SUCLA2: variants seen among roughly 807,000 people sequenced by gnomAD.
SUCLA2 encodes succinate--CoA ligase [ADP-forming] subunit beta, mitochondrial.
SUCLA2 carries 30 observed loss-of-function variants against 54.8 expected under a neutral mutation model. The observed-to-expected ratio is 0.55, with a 90% confidence interval of 0.41 to 0.74. The LOEUF is 0.74. Ranked by LOEUF, SUCLA2 falls within the 30% of genes least tolerant of loss-of-function variation. The pLI is 0.00. For missense variants in SUCLA2, 476 were observed against 562.9 expected (o/e 0.85, Z 1.56); for synonymous variants, 172 against 188.9 (o/e 0.91, Z 0.74).
At chr13:47,987,936 A>C (rs545114968) in intron 4 of SUCLA2, 4 of 152,228 alleles carry the variant, frequency 2.6e-5, no homozygotes, top group African/African-American at 7.2e-5. Flanking sequence ...TCCAAACACC[A>C]GGTCTATAAA....
intron 5 of SUCLA2, 107 bp from the exon 6 acceptor site, chr13:47,968,840 A>G (rs1431880167): frequency 7.8e-7 from 1 of 1,275,628 alleles, no homozygotes; most frequent in Non-Finnish European, 1.1e-6. Context: ...AACATGAGTC[A>G]TTTATAGTCA....
intron 6 of SUCLA2, among the ~76,000 whole-genome samples, chr13:47,963,582 T>C (rs932552332): frequency 2.0e-5 from 3 of 151,818 alleles, no homozygotes; most frequent in African/African-American, 7.3e-5. Context: ...GAGGCGGAGG[T>C]TGCAGTGAGC....
rs1238681759 is a variant in SUCLA2 at position 47,949,094 on chromosome 13, C to T, written c.1229-66G>A. On this transcript the variant is annotated intron_variant, in intron 9 of 10. Transcript: ENST00000646932. The stretch of plus-strand genomic sequence containing the variant: ...ACACAAAAGCATTTTAAAATGTTTG[C>T]CAAAACATGGTATAAGAATAAAACC... 5 of 1,490,246 alleles carry T rather than the reference C, an allele frequency of 3.4e-6. No individual in the cohort carries two copies. In the East Asian group the frequency reaches 1.1e-4, roughly 34 times the overall value. 92.3% of individuals were successfully genotyped at this position (1,490,246 alleles called of 1,614,324 possible).
chr13:47,948,384 T>C (rs1350443425), intron 10 of SUCLA2, among the ~76,000 whole-genome samples: 1 of 145,706 alleles, frequency 6.9e-6, no homozygotes, highest in Non-Finnish European at 1.5e-5. Flanking sequence ...TGCGTGCATG[T>C]GTGTGTGCGC....
chr13:47,952,896 C>G (rs1027236741), intron 8 of SUCLA2, among the ~76,000 whole-genome samples: 3 of 152,098 alleles, frequency 2.0e-5, no homozygotes, highest in Non-Finnish European at 4.4e-5. Flanking sequence ...GATTCTATGT[C>G]TTTGTACATT....
intron 4 of SUCLA2, among the ~76,000 whole-genome samples, chr13:47,974,287 C>T (rs1392241209): frequency 6.6e-6 from 1 of 152,068 alleles, no homozygotes; most frequent in Admixed American, 6.6e-5. Context: ...TACTGCAAGA[C>T]AATAAAAAAG....
chr13:47,966,718 T>TAAA (rs35050490), intron 6 of SUCLA2, among the ~76,000 whole-genome samples: 3 of 145,708 alleles, frequency 2.1e-5, no homozygotes, highest in Non-Finnish European at 1.5e-5. Context: ...TTTCTTTAAA[T>TAAA]AAAAAAAAAA....
intron 4 of SUCLA2, chr13:47,987,648 T>G (rs1273946742): frequency 1.3e-5 from 2 of 152,088 alleles, no homozygotes; most frequent in East Asian, 3.8e-4. Flanking sequence ...ATTCAAACAT[T>G]AATAGATTTA....
At chr13:47,943,736 G>A (rs1178414923) in intron 10 of SUCLA2, among the ~76,000 whole-genome samples, 2 of 135,232 alleles carry the variant, frequency 1.5e-5, no homozygotes, top group Admixed American at 1.5e-4. Flanking sequence ...TAAAATGTGT[G>A]TGTATGTATG....
chr13:47,949,831 C>T (rs1949762280), intron 8 of SUCLA2, among the ~76,000 whole-genome samples: 2 of 152,174 alleles, frequency 1.3e-5, no homozygotes, highest in Non-Finnish European at 2.9e-5. Context: ...GTTCACATTT[C>T]CTTCTCTACT....
intron 2 of SUCLA2, among the ~76,000 whole-genome samples, chr13:47,995,262 A>AT (rs771342422): frequency 3.3e-4 from 51 of 152,306 alleles, no homozygotes; most frequent in Non-Finnish European, 6.6e-4. Context: ...AATTATATAT[A>AT]AATCAGGTCC....
chr13:48,000,979 G>C (rs79686432), intron 1 of SUCLA2: 1 of 1,427,032 alleles, frequency 7.0e-7, no homozygotes. Flanking sequence ...GCGGACTAAG[G>C]GCTGGGTCAG....
At chr13:47,956,519 CT>C (rs1373538812) in intron 6 of SUCLA2, among the ~76,000 whole-genome samples, 2 of 152,132 alleles carry the variant, frequency 1.3e-5, no homozygotes, top group African/African-American at 4.8e-5. Context: ...TGAAAATATA[CT>C]TCAAAAGAAG....
chr13:47,999,216 G>C (rs1221540965), intron 1 of SUCLA2, among the ~76,000 whole-genome samples: 1 of 151,970 alleles, frequency 6.6e-6, no homozygotes, highest in Non-Finnish European at 1.5e-5. Context: ...AGAACACTTT[G>C]GGGACAACTA....
At chr13:47,949,402 T>G (rs1949759220) in intron 9 of SUCLA2, 81 bp downstream of exon 9, 3 of 1,507,470 alleles carry the variant, frequency 2.0e-6, no homozygotes, top group Admixed American at 1.7e-5. Flanking sequence ...ATTTAAAAAC[T>G]ATGTTTTAAC....
Position 47,988,938 on chromosome 13 carries a change from A to T in SUCLA2, c.315T>A (p.Gly105=), listed in dbSNP as rs1950128412. Residue 105 remains glycine (G), a synonymous_variant, in exon 3 of 11, where the codon GGT becomes GGA. Transcript: ENST00000646932. ...CACTTTCAAATGTTCCTTTTCCTCT[A>T]CCACCAGCTAAAACCTGTGCCTTTA... ...VVIKAQVLAG[G]RGKGTFESGL... 6.2e-7 allele frequency: 1 copy of T among 1,613,520 alleles called. No homozygotes were observed. The highest frequency in any genetic ancestry group is 1.1e-5 in the South Asian group (1 of 91,080).
In SUCLA2 at chr13:47,954,541, T is replaced by G. The variant is rs1593479902; in HGVS notation, c.819A>C (p.Ala273=). The G allele has an allele frequency of 4.3e-6, 7 of 1,613,830 alleles. No individual in the cohort carries two copies. The highest frequency in any genetic ancestry group is 5.1e-6 in the Non-Finnish European group (6 of 1,179,786). The change falls in exon 7 of 11, where the codon GCA becomes GCC. Residue 273 remains alanine (A), a synonymous_variant. Coordinates refer to ENST00000646932, the MANE Select transcript of SUCLA2 (RefSeq NM_003850.3). ...CTGAATTAGAGTCAAAATTGATCTT[T>G]GCATCCATACACAATACTTTGAAGG... The part of the protein sequence containing the change: ...DSDGAVLCMD[A]KINFDSNSAY...
intron 6 of SUCLA2, among the ~76,000 whole-genome samples, chr13:47,959,910 T>C (rs1949854508): frequency 6.6e-6 from 1 of 152,198 alleles, no homozygotes; most frequent in Non-Finnish European, 1.5e-5. Context: ...CATGCTTACA[T>C]TGCTTCACAC....
intron 6 of SUCLA2, among the ~76,000 whole-genome samples, chr13:47,962,567 A>T (rs927933634): frequency 2.0e-5 from 3 of 152,110 alleles, no homozygotes; most frequent in Non-Finnish European, 4.4e-5. Flanking sequence ...TCCTGCTGTG[A>T]TTTGTCTTTG....
Sources: allele counts gnomAD v4.1 joint callset (sites outside exome capture counted in the v4.1 genomes callset), GRCh38; gene constraint gnomAD v4.1.1; transcripts MANE v1.5; gene names NCBI Gene and HGNC (gene_info 2026-07-23, HGNC 2026-07-21).